Variants in PRRC2C observed in about 807,000 individuals in gnomAD.
The protein encoded by PRRC2C is proline rich coiled-coil 2C, also known as protein PRRC2C.
Under a neutral mutation model 317.2 loss-of-function variants are expected in PRRC2C, and 72 were observed. The ratio of observed to expected loss-of-function variants is 0.23; its 90% CI spans 0.19 to 0.28. PRRC2C has a LOEUF of 0.28. Among genes scored for constraint, PRRC2C ranks in the 10% least tolerant of loss-of-function variants. PRRC2C has a pLI of 1.00. For synonymous variants in PRRC2C, 1,296 were observed against 1,205.9 expected, an observed-to-expected ratio of 1.07 and a Z score of -1.55; for missense variants, 3,074 against 3,459.7, an observed-to-expected ratio of 0.89 and a Z score of 2.80.
chr1:171,497,525 A>G lies in PRRC2C; in HGVS notation c.-58+11790A>G, dbSNP rs191797779. Among the ~76,000 whole-genome samples the G allele has an allele frequency of 7.2e-5, 11 of 152,114 alleles. No individual in the cohort carries two copies. The East Asian group carries it at 1.9e-3, about 27-fold the overall frequency. ...CTCTGTCTATTGCCGAGGCTGTAATACAGTGGCACAGTCATGGCTCACTGT... is the reference window on the plus strand; with the variant it reads ...CTCTGTCTATTGCCGAGGCTGTAATGCAGTGGCACAGTCATGGCTCACTGT... On this transcript the variant is annotated intron_variant, in intron 1 of 34. Transcript: ENST00000647382.
Position 171,485,638 on chromosome 1 carries a change from C to T in PRRC2C, c.-155C>T, listed in dbSNP as rs71637410. On this transcript the variant is annotated 5_prime_UTR_variant, in exon 1 of 35. Transcript: ENST00000647382. ...CGGCTTTTCCAGTCTGGTGGCCCTT[C>T]CGGCCACCCCTTTAACCCCAGCTTT... The T allele has an allele frequency of 0.14, 20,948 of 152,702 alleles. 1,648 individuals are homozygous for T. The highest frequency in any genetic ancestry group is 0.28 in the Middle Eastern group (81 of 294). The allele number at this position is 152,702 out of a possible 1,614,324, so 9.5% of individuals were successfully genotyped here.
intron 6 of PRRC2C, 82 bp from the exon 7 acceptor site, chr1:171,522,095 G>C (rs1673686550): frequency 1.7e-6 from 1 of 575,458 alleles, no homozygotes; most frequent in East Asian, 3.4e-5. Context: ...TTCAGGCCTA[G>C]GCTCAGATTT....
chr1:171,545,273 T>C (rs1678855598), intron 16 of PRRC2C, among the ~76,000 whole-genome samples: 1 of 152,208 alleles, frequency 6.6e-6, no homozygotes, highest in Non-Finnish European at 1.5e-5. Flanking sequence ...GAAAGAACTC[T>C]AGGGAGCTAG....
intron 11 of PRRC2C, among the ~76,000 whole-genome samples, chr1:171,530,485 G>A (rs1675614094): frequency 6.6e-6 from 1 of 151,850 alleles, no homozygotes; most frequent in Non-Finnish European, 1.5e-5. Flanking sequence ...AGCTCAAGCA[G>A]TCCTCCTGCC....
chr1:171,517,176 A>G (rs930892689), intron 5 of PRRC2C, among the ~76,000 whole-genome samples: 1 of 152,152 alleles, frequency 6.6e-6, no homozygotes, highest in Non-Finnish European at 1.5e-5. Context: ...ACAATAATAT[A>G]CTGGAAACAG....
Position 171,523,516 on chromosome 1 carries a change from A to C in PRRC2C, c.1049A>C (p.Asn350Thr), listed in dbSNP as rs1416395837. 1 of 1,607,002 alleles carries C rather than the reference A, an allele frequency of 6.2e-7. No homozygotes were observed. ...CAAGGAAGTAACAGTCCTAAAGAGA[A>C]TAACAGGTAAGTTGTGATATCTTTT... ...DEQGSNSPKE[N>T]NSEDQGSKAS... Residue 350 changes from asparagine to threonine, a missense_variant, in exon 9 of 35, where the codon AAT becomes ACT. Asn to Thr is a moderately conservative substitution (Grantham distance 65, BLOSUM62 0). Transcript: ENST00000647382.
chr1:171,503,305 T>A (rs1053588356), intron 1 of PRRC2C, among the ~76,000 whole-genome samples: 1 of 152,058 alleles, frequency 6.6e-6, no homozygotes, highest in African/African-American at 2.4e-5. Flanking sequence ...AGGTGGATCA[T>A]CTGAGGTCAG....
At position 171,511,947 on chromosome 1, in the gene PRRC2C, A is replaced by C. The variant is rs556864639; in HGVS notation, c.-57-85A>C. On this transcript the variant is annotated intron_variant, in intron 1 of 34. Coordinates refer to ENST00000647382, the MANE Select transcript of PRRC2C (RefSeq NM_001387844.1). The stretch of plus-strand genomic sequence containing the variant: ...AAAGTTCTATGAAATTATCATTGAT[A>C]TGGGAAGTTTTTTCAGAATTTCTGT... 242 of 516,950 alleles carry C rather than the reference A, an allele frequency of 4.7e-4. 6 individuals carry two copies. The South Asian group carries it at 5.7e-3, about 12-fold the overall frequency. 32.0% of individuals were successfully genotyped at this position (516,950 alleles called of 1,614,324 possible).
At chr1:171,518,919 G>T (rs1329927216) in intron 6 of PRRC2C, among the ~76,000 whole-genome samples, 1 of 129,770 alleles carries the variant, frequency 7.7e-6, no homozygotes, top group African/African-American at 2.9e-5. Flanking sequence ...GTCTCGCTCT[G>T]TCACCCAGGC....
chr1:171,535,402 T>G, intron 12 of PRRC2C, 26 bp from the exon 13 acceptor site: 1 of 1,599,278 alleles, frequency 6.3e-7, no homozygotes, highest in Non-Finnish European at 8.5e-7. Flanking sequence ...ATGAATACTA[T>G]TACCTTTCAC....
chr1:171,492,038 A>C (rs1667248236), intron 1 of PRRC2C, among the ~76,000 whole-genome samples: 1 of 148,460 alleles, frequency 6.7e-6, no homozygotes, highest in African/African-American at 2.4e-5. Flanking sequence ...TATTTTGAAA[A>C]CAGAGGACAT....
chr1:171,559,173 T>A (rs1682067345), intron 19 of PRRC2C, among the ~76,000 whole-genome samples: 1 of 152,218 alleles, frequency 6.6e-6, no homozygotes, highest in African/African-American at 2.4e-5. Flanking sequence ...AGCAGCAAGT[T>A]ATCCAGAAGA....
Position 171,557,681 on chromosome 1 carries a change from A to G in PRRC2C, c.5569A>G (p.Ile1857Val). The stretch of plus-strand genomic sequence containing the variant: ...AGTTTCAACCCCAGCTTCTGTCACC[A>G]TTCTTGCCTCAGCCTCAATTCCCAT... ...ASVSTPASVT[I>V]LASASIPILA... The change falls in exon 19 of 35, where the codon ATT becomes GTT. Residue 1857 changes from isoleucine (I) to valine (V), a missense_variant. Physicochemically the swap from Ile to Val is conservative, Grantham distance 29. Coordinates refer to ENST00000647382, the MANE Select transcript of PRRC2C (RefSeq NM_001387844.1). The G allele has an allele frequency of 6.5e-7, 1 of 1,549,598 alleles. No individual in the cohort carries two copies. The highest frequency in any genetic ancestry group is 8.7e-7 in the Non-Finnish European group (1 of 1,146,548).
intron 15 of PRRC2C, among the ~76,000 whole-genome samples, 174 bp downstream of exon 15, chr1:171,537,647 C>A (rs1297687471): frequency 1.3e-5 from 2 of 152,132 alleles, no homozygotes; most frequent in Non-Finnish European, 2.9e-5. Flanking sequence ...TTCATTAGGG[C>A]ATTTTGTAAC....
rs1183680271 is a variant in PRRC2C, at chr1:171,558,123, T to C, written c.6011T>C (p.Leu2004Pro). 1 of 1,612,322 alleles carries C rather than the reference T, an allele frequency of 6.2e-7. No homozygotes were observed. The highest frequency in any genetic ancestry group is 1.3e-5 in the African/African-American group (1 of 74,878). Residue 2004 changes from leucine (L) to proline (P), a missense_variant, in exon 19 of 35, where the codon CTG (leucine) becomes CCG (proline). By Grantham distance (98) the Leu-to-Pro change is moderately conservative. Transcript: ENST00000647382. ...AACAAGGTGGCCCCACCAGCTGTGC[T>C]GAATGATATCTCTAAGAAATGTAAG... ...WDNKVAPPAV[L>P]NDISKKLGPI... is the part of the protein sequence containing the mutation.
At chr1:171,559,509 GTTTTTTTTT>G (rs869093669) in intron 19 of PRRC2C, among the ~76,000 whole-genome samples, 4 of 33,756 alleles carry the variant, frequency 1.2e-4, no homozygotes, top group African/African-American at 3.9e-4. Context: ...TACCAAGTTT[GTTTTTTTTT>G]TTTTTTTTTT....
chr1:171,531,540 A>G (rs1675883841), intron 11 of PRRC2C, among the ~76,000 whole-genome samples: 2 of 152,210 alleles, frequency 1.3e-5, no homozygotes, highest in African/African-American at 4.8e-5. Context: ...TAAGCATTCC[A>G]GCTGGGTTAC....
chr1:171,558,190 C>G lies in PRRC2C; in HGVS notation c.6031+47C>G, dbSNP rs762352926. On this transcript the variant is annotated intron_variant, in intron 19 of 34. Transcript: ENST00000647382. ...AGGGGTGGGGAATGGCATAGGAATA[C>G]TGAGGTTTCTTTTCAATTTTATTTA... 3.9e-6 allele frequency: 6 copies of G among 1,524,980 alleles called. No homozygotes were observed. In the African/African-American group the frequency reaches 8.4e-5, roughly 21 times the overall value. 94.5% of individuals were successfully genotyped at this position (1,524,980 alleles called of 1,614,324 possible). A position where few individuals can be genotyped will look rare whatever the true frequency, so the allele number is the denominator to read the frequency against.
chr1:171,586,062 G>GTTTT (rs78928878), intron 30 of PRRC2C, among the ~76,000 whole-genome samples: 1 of 43,506 alleles, frequency 2.3e-5, no homozygotes, highest in Non-Finnish European at 4.9e-5. Flanking sequence ...GTCAGGTGTT[G>GTTTT]ATTTTTTTTT....
Sources: gnomAD v4.1 joint callset for allele counts (sites outside exome capture counted in the v4.1 genomes callset) on GRCh38, gnomAD v4.1.1 for gene constraint, MANE v1.5 for transcripts, NCBI Gene and HGNC (gene_info 2026-07-23, HGNC 2026-07-21) for gene names.